ACACA: variants seen among roughly 807,000 people sequenced by gnomAD.
ACACA encodes acetyl-CoA carboxylase alpha, also known as acetyl-CoA carboxylase 1.
A neutral mutation model predicts 296.1 loss-of-function variants in ACACA; 103 were observed. The ratio of observed to expected loss-of-function variants is 0.35; its 90% CI spans 0.30 to 0.41. The LOEUF (loss-of-function observed/expected upper bound fraction) is 0.41. ACACA is among the 10% of genes least tolerant of loss of function. The pLI, the probability that ACACA is intolerant of heterozygous loss-of-function variation, is 1.00. For synonymous variants in ACACA, 953 were observed against 1,038.6 expected, an observed-to-expected ratio of 0.92 and a Z score of 1.58; for missense variants, 1,554 against 2,989.7, an observed-to-expected ratio of 0.52 and a Z score of 11.20.
chr17:37,192,198 G>A lies in ACACA; in HGVS notation c.4308C>T (p.His1436=). Residue 1436 remains histidine, a synonymous_variant, in exon 37 of 56, where the codon CAC becomes CAT. Coordinates refer to ENST00000616317, the MANE Select transcript of ACACA (RefSeq NM_198834.3). ...CTGCCCCGAGATACAGGTGCATCTT[G>A]TGATTAGCACATGGAATGGCAGTGA... ...FDLTAIPCAN[H]KMHLYLGAAK... is the part of the protein sequence containing the mutation. 4 of 1,614,042 alleles carry A rather than the reference G, an allele frequency of 2.5e-6. No homozygotes were observed. Among genetic ancestry groups the A allele is most frequent in the Non-Finnish European group, 3.4e-6 (4 of 1,180,020 alleles).
intron 3 of ACACA, among the ~76,000 whole-genome samples, chr17:37,309,931 T>C (rs1180866338): frequency 6.6e-6 from 1 of 151,986 alleles, no homozygotes; most frequent in African/African-American, 2.4e-5. Context: ...CATGCACCTA[T>C]TGACCCAGGT....
At chr17:37,356,881 TAAAG>T (rs1390714299) in intron 1 of ACACA, among the ~76,000 whole-genome samples, 2 of 152,154 alleles carry the variant, frequency 1.3e-5, no homozygotes, top group East Asian at 1.9e-4. Context: ...AAAAAGATTT[TAAAG>T]AAAGAAAAAC....
At chr17:37,356,842 T>C (rs1364283489) in intron 1 of ACACA, among the ~76,000 whole-genome samples, 1 of 152,152 alleles carries the variant, frequency 6.6e-6, no homozygotes, top group African/African-American at 2.4e-5. Context: ...ACTAAGACTA[T>C]TAGGATATTA....
At chr17:37,160,645 T>C (rs2076423141) in intron 42 of ACACA, among the ~76,000 whole-genome samples, 1 of 152,248 alleles carries the variant, frequency 6.6e-6, no homozygotes, top group South Asian at 2.1e-4. Flanking sequence ...GAGAGTTGGA[T>C]TTAAACACTC....
intron 1 of ACACA, among the ~76,000 whole-genome samples, chr17:37,377,455 T>A (rs989542974): frequency 2.0e-5 from 3 of 151,802 alleles, no homozygotes; most frequent in Admixed American, 6.6e-5. Context: ...AAGTAAGGAG[T>A]TTGAGACCAG....
At chr17:37,094,538 A>G (rs2072853139) in intron 54 of ACACA, among the ~76,000 whole-genome samples, 1 of 150,170 alleles carries the variant, frequency 6.7e-6, no homozygotes, top group Non-Finnish European at 1.5e-5. Flanking sequence ...CTTGAGAAAC[A>G]CAACACACAG....
chr17:37,224,069 G>GT (rs2145690805), intron 27 of ACACA, among the ~76,000 whole-genome samples: 1 of 152,334 alleles, frequency 6.6e-6, no homozygotes, highest in Non-Finnish European at 1.5e-5. Context: ...AGGCGTGGTA[G>GT]TGAGTGCCTG....
intron 50 of ACACA, among the ~76,000 whole-genome samples, chr17:37,119,490 C>G (rs1417352112): frequency 1.3e-5 from 2 of 151,720 alleles, no homozygotes; most frequent in Admixed American, 6.6e-5. Flanking sequence ...AAAATATATA[C>G]AATCATTAAT....
chr17:37,087,437 A>G lies in ACACA; in HGVS notation c.7031T>C (p.Leu2344Ser). 1 of 1,614,194 alleles carries G rather than the reference A, an allele frequency of 6.2e-7. No homozygotes were observed. Among genetic ancestry groups the G allele is most frequent in the Non-Finnish European group, 8.5e-7 (1 of 1,180,046 alleles). ...RDYVLKQIRS[L>S]VQANPEVAMD... The stretch of plus-strand genomic sequence containing the variant: ...GGCAACCTCTGGATTGGCCTGGACC[A>G]AGCTGGAAAGGAAGATTGAGAATGG... Residue 2344 changes from leucine (L) to serine (S), a missense_variant and splice_region_variant, in exon 56 of 56, where the codon TTG (leucine) becomes TCG (serine). By Grantham distance (145) the Leu-to-Ser change is moderately radical. Coordinates refer to ENST00000616317, the MANE Select transcript of ACACA (RefSeq NM_198834.3).
chr17:37,369,649 A>G (rs878936188), intron 1 of ACACA, among the ~76,000 whole-genome samples: 1 of 147,254 alleles, frequency 6.8e-6, no homozygotes, highest in Non-Finnish European at 1.5e-5. Flanking sequence ...CATTTCTAGA[A>G]AAAAAAAAAT....
intron 37 of ACACA, among the ~76,000 whole-genome samples, chr17:37,191,579 CAG>C (rs2077752264): frequency 6.6e-6 from 1 of 152,090 alleles, no homozygotes; most frequent in African/African-American, 2.4e-5. Flanking sequence ...ATATGCCAAA[CAG>C]AGCTATTTAG....
chr17:37,165,822 T>A lies in ACACA; in HGVS notation c.5080-3772A>T, dbSNP rs2144551448. 1.3e-5 allele frequency among the ~76,000 whole-genome samples: 2 copies of A among 152,164 alleles called. 1 individual carries two copies. Among genetic ancestry groups the A allele is most frequent in the African/African-American group, 4.8e-5 (2 of 41,516 alleles). On this transcript the variant is annotated intron_variant, in intron 41 of 55. Coordinates refer to ENST00000616317, the MANE Select transcript of ACACA (RefSeq NM_198834.3). Reference sequence around the variant, plus strand: ...TCCCAAATAACTGGGACTACAGGCATGTGCCACCATACTCGGCCAATTTTT... The same window carrying A: ...TCCCAAATAACTGGGACTACAGGCAAGTGCCACCATACTCGGCCAATTTTT...
intron 45 of ACACA, among the ~76,000 whole-genome samples, chr17:37,136,884 A>G (rs2075356978): frequency 6.6e-6 from 1 of 152,018 alleles, no homozygotes; most frequent in East Asian, 1.9e-4. Context: ...TGGAGGTTGC[A>G]GTGAGCCAAG....
chr17:37,128,252 C>G lies in ACACA; in HGVS notation c.5944+1113G>C, dbSNP rs576950896. ...AAACAATGTAATAGCTATATAATAG[C>G]TATGTGACCTTGTACGAATCACTCA... is the stretch of plus-strand genomic sequence containing the variant. On this transcript the variant is annotated intron_variant, in intron 47 of 55. Coordinates refer to ENST00000616317, the MANE Select transcript of ACACA (RefSeq NM_198834.3). 3.7e-3 allele frequency among the ~76,000 whole-genome samples: 568 copies of G among 152,092 alleles called. 3 individuals carry two copies. Among genetic ancestry groups the G allele is most frequent in the Non-Finnish European group, 6.4e-3 (435 of 67,988 alleles).
intron 52 of ACACA, 81 bp from the exon 53 acceptor site, chr17:37,098,065 G>C (rs997978984): frequency 2.2e-5 from 35 of 1,566,582 alleles, no homozygotes; most frequent in Non-Finnish European, 2.8e-5. Flanking sequence ...ATCACGGGAA[G>C]CTCAACATCA....
At chr17:37,274,730 G>A (rs2082204482) in intron 8 of ACACA, 1 of 936,876 alleles carries the variant, frequency 1.1e-6, no homozygotes, top group Non-Finnish European at 1.3e-6. Flanking sequence ...CCTCAGCAGA[G>A]TCATGATTCC....
intron 1 of ACACA, among the ~76,000 whole-genome samples, chr17:37,394,215 C>CT (rs796871691): frequency 0.019 from 2,754 of 144,426 alleles, 57 homozygotes; most frequent in African/African-American, 0.053. Context: ...TTTTCTTTTT[C>CT]TTTTTTTTTT....
chr17:37,276,943 T>C (rs2082307163), intron 7 of ACACA, 90 bp downstream of exon 7: 5 of 1,085,810 alleles, frequency 4.6e-6, no homozygotes, highest in East Asian at 4.7e-5. Flanking sequence ...GCCCAGCACA[T>C]GTTAAACAGA....
At chr17:37,145,686 G>A (rs1375900389) in intron 45 of ACACA, among the ~76,000 whole-genome samples, 1 of 152,098 alleles carries the variant, frequency 6.6e-6, no homozygotes, top group Non-Finnish European at 1.5e-5. Context: ...TCCTGTCTAC[G>A]AAATATAGCC....
Sources: allele counts gnomAD v4.1 joint callset (sites outside exome capture counted in the v4.1 genomes callset), GRCh38; gene constraint gnomAD v4.1.1; transcripts MANE v1.5; gene names NCBI Gene and HGNC (gene_info 2026-07-23, HGNC 2026-07-21).